PLCH1: variants seen among roughly 807,000 people sequenced by gnomAD.
PLCH1 encodes phospholipase C eta 1, also known as 1-phosphatidylinositol 4,5-bisphosphate phosphodiesterase eta-1.
PLCH1 carries 60 observed loss-of-function variants against 126.7 expected under a neutral mutation model. That is an observed-to-expected ratio of 0.47 (90% CI 0.38 to 0.59). PLCH1 has a LOEUF of 0.59. Ranked by LOEUF, PLCH1 falls within the 20% of genes least tolerant of loss-of-function variation. PLCH1 has a pLI of 0.00. For missense variants in PLCH1, 1,723 were observed against 2,040.0 expected (o/e 0.84, Z 2.99); for synonymous variants, 719 against 734.9 (o/e 0.98, Z 0.35).
chr3:155,689,566 A>T (rs144207314), intron 2 of PLCH1, among the ~76,000 whole-genome samples: 23 of 152,240 alleles, frequency 1.5e-4, no homozygotes, highest in African/African-American at 5.5e-4. Flanking sequence ...ATTCTATCAG[A>T]TATACTTTAA....
chr3:155,683,227 G>A (rs1352441697), intron 2 of PLCH1, among the ~76,000 whole-genome samples: 3 of 152,170 alleles, frequency 2.0e-5, no homozygotes, highest in Non-Finnish European at 4.4e-5. Flanking sequence ...CCTGCTTGAT[G>A]ACTTATTGAT....
intron 21 of PLCH1, among the ~76,000 whole-genome samples, chr3:155,452,129 C>T (rs1210452450): frequency 6.6e-6 from 1 of 152,094 alleles, no homozygotes. Flanking sequence ...GAGGTTTAAT[C>T]GGACTTACAA....
intron 8 of PLCH1, among the ~76,000 whole-genome samples, chr3:155,555,395 G>A (rs958066494): frequency 6.6e-6 from 1 of 152,126 alleles, no homozygotes; most frequent in Non-Finnish European, 1.5e-5. Context: ...ATAATCATTC[G>A]TCTTCTTTCC....
intron 1 of PLCH1, chr3:155,743,197 G>A (rs1749741145): frequency 2.3e-6 from 1 of 442,424 alleles, no homozygotes; most frequent in African/African-American, 2.0e-5. Context: ...TTTAAAAGAG[G>A]GGATAGGGCT....
At chr3:155,651,894 T>C (rs1740750502) in intron 2 of PLCH1, among the ~76,000 whole-genome samples, 1 of 152,204 alleles carries the variant, frequency 6.6e-6, no homozygotes. Context: ...AAAGAAAACC[T>C]AAATATCAAT....
rs1736698049 is a variant in PLCH1 at position 155,622,831 on chromosome 3, A to C, written c.80-26453T>G. Among the ~76,000 whole-genome samples the C allele has an allele frequency of 3.9e-5, 6 of 152,166 alleles. 1 individual carries two copies. The highest frequency in any genetic ancestry group is 3.9e-4 in the Admixed American group (6 of 15,274). ...TAACAGTGGGAGACTTTAACACCTC[A>C]CTGTCAATATTAGACAGATCAATGA... is the stretch of plus-strand genomic sequence containing the variant. On this transcript the variant is annotated intron_variant, in intron 2 of 22. Coordinates refer to ENST00000460012, the MANE Select transcript of PLCH1 (RefSeq NM_014996.4).
chr3:155,480,920 C>T lies in PLCH1; in HGVS notation c.*48G>A. On this transcript the variant is annotated 3_prime_UTR_variant, in exon 23 of 23. Coordinates refer to ENST00000460012, the MANE Select transcript of PLCH1 (RefSeq NM_014996.4). ...GGAACTTATTTACTGAAAACTCTGA[C>T]ATTCTACAGAATACCTTGAAAACCT... 7.0e-7 allele frequency: 1 copy of T among 1,425,956 alleles called. No homozygotes were observed. The highest frequency in any genetic ancestry group is 2.3e-5 in the East Asian group (1 of 43,418). The allele number at this position is 1,425,956 out of a possible 1,614,324, so 88.3% of individuals were successfully genotyped here.
intron 10 of PLCH1, among the ~76,000 whole-genome samples, chr3:155,546,539 T>C (rs1350108027): frequency 6.6e-6 from 1 of 152,182 alleles, no homozygotes; most frequent in African/African-American, 2.4e-5. Context: ...AAAAAACTAC[T>C]TTAAAGTTCA....
chr3:155,726,138 A>T (rs543714500), intron 1 of PLCH1, among the ~76,000 whole-genome samples: 1 of 152,290 alleles, frequency 6.6e-6, no homozygotes, highest in Non-Finnish European at 1.5e-5. Flanking sequence ...ATATATCATT[A>T]TTACCTTATA....
intron 17 of PLCH1, 129 bp from the exon 18 acceptor site, chr3:155,492,982 G>A: frequency 1.3e-6 from 1 of 784,472 alleles, no homozygotes; most frequent in Non-Finnish European, 1.8e-6. Context: ...AACTATCAGT[G>A]TGGCATAGCT....
At chr3:155,467,451 G>A (rs902788579) in intron 21 of PLCH1, among the ~76,000 whole-genome samples, 1 of 151,904 alleles carries the variant, frequency 6.6e-6, no homozygotes, top group Non-Finnish European at 1.5e-5. Flanking sequence ...GTGCGCACCT[G>A]TAATCCCAGC....
At chr3:155,470,684 G>C (rs904005172) in intron 21 of PLCH1, among the ~76,000 whole-genome samples, 4 of 151,902 alleles carry the variant, frequency 2.6e-5, no homozygotes, top group African/African-American at 9.7e-5. Context: ...GAGAAAGGTC[G>C]GGTTACCCTC....
intron 2 of PLCH1, among the ~76,000 whole-genome samples, chr3:155,660,654 G>C (rs1458208142): frequency 6.6e-6 from 1 of 152,094 alleles, no homozygotes; most frequent in South Asian, 2.1e-4. Flanking sequence ...TGGGGGTAGG[G>C]GGTTTGCCCT....
At chr3:155,619,749 G>A (rs977587602) in intron 2 of PLCH1, among the ~76,000 whole-genome samples, 1 of 152,212 alleles carries the variant, frequency 6.6e-6, no homozygotes, top group South Asian at 2.1e-4. Context: ...CACCTGCTAT[G>A]CTGAAGCAGG....
At chr3:155,486,513 GTTTTTTTTTTT>G (rs397733786) in intron 21 of PLCH1, among the ~76,000 whole-genome samples, 2 of 102,016 alleles carry the variant, frequency 2.0e-5, no homozygotes, top group Admixed American at 2.0e-4. Context: ...GCTCAAGTTT[GTTTTTTTTTTT>G]TTTTTTTTTT....
chr3:155,511,239 T>G (rs1321055340), intron 12 of PLCH1, among the ~76,000 whole-genome samples: 3 of 102,980 alleles, frequency 2.9e-5, no homozygotes, highest in Non-Finnish European at 5.4e-5. Context: ...GTATTGGTTA[T>G]TCTAGTTATA....
At chr3:155,595,049 C>T (rs1024038697) in intron 3 of PLCH1, among the ~76,000 whole-genome samples, 1 of 152,172 alleles carries the variant, frequency 6.6e-6, no homozygotes, top group African/African-American at 2.4e-5. Context: ...CAAGCTGACA[C>T]CTGAGGAGAG....
intron 19 of PLCH1, among the ~76,000 whole-genome samples, chr3:155,489,227 A>C (rs1055883568): frequency 2.0e-5 from 3 of 152,166 alleles, no homozygotes; most frequent in East Asian, 1.9e-4. Flanking sequence ...ATAACCACCA[A>C]CAACCATTTT....
At chr3:155,610,166 C>A (rs1734853273) in intron 2 of PLCH1, among the ~76,000 whole-genome samples, 1 of 151,864 alleles carries the variant, frequency 6.6e-6, no homozygotes, top group South Asian at 2.1e-4. Flanking sequence ...TTGAGACCAT[C>A]CTGGCTAACA....
Sources: gnomAD v4.1 joint callset for allele counts (sites outside exome capture counted in the v4.1 genomes callset) on GRCh38, gnomAD v4.1.1 for gene constraint, MANE v1.5 for transcripts, NCBI Gene and HGNC (gene_info 2026-07-23, HGNC 2026-07-21) for gene names.